The following CFAP299 variants were observed in gnomAD, a reference collection of about 807,000 sequenced individuals.
CFAP299 encodes the protein cilia and flagella associated protein 299, also known as cilia- and flagella-associated protein 299.
CFAP299 carries 21 observed loss-of-function variants against 27.0 expected under a neutral mutation model. The observed-to-expected ratio is 0.78, with a 90% confidence interval of 0.55 to 1.12. The LOEUF is 1.12. Among genes scored for constraint, CFAP299 ranks in the 50% most tolerant of loss-of-function variants. The probability of loss-of-function intolerance (pLI) is 0.00; values close to 1 mark genes in which losing one functional copy is unlikely to be tolerated. For synonymous variants in CFAP299, 104 were observed against 98.1 expected, an observed-to-expected ratio of 1.06 and a Z score of -0.36; for missense variants, 310 against 276.6, an observed-to-expected ratio of 1.12 and a Z score of -0.86.
At chr4:80,322,176 T>C in the CFAP299 span, among the ~76,000 whole-genome samples, 6 of 152,216 alleles carry the variant, frequency 3.9e-5, no homozygotes, top group African/African-American at 1.4e-4. Context: ...GGAAATCCTT[T>C]TGCAATAAAA....
intron 3 of CFAP299, among the ~76,000 whole-genome samples, chr4:80,730,795 C>A (rs192966410): frequency 6.6e-6 from 1 of 152,310 alleles, no homozygotes; most frequent in African/African-American, 2.4e-5. Context: ...TTGTTCTCTA[C>A]AACCACTGTG....
chr4:80,827,271 C>A (rs1000851104), intron 3 of CFAP299, among the ~76,000 whole-genome samples: 1 of 151,724 alleles, frequency 6.6e-6, no homozygotes, highest in Non-Finnish European at 1.5e-5. Flanking sequence ...AAACTGTAGA[C>A]CACTATCCCT....
intron 2 of CFAP299, among the ~76,000 whole-genome samples, chr4:80,579,178 A>G (rs1483893606): frequency 6.6e-6 from 1 of 152,142 alleles, no homozygotes; most frequent in Non-Finnish European, 1.5e-5. Flanking sequence ...GTTTCTCCAT[A>G]ATAGTGGCCT....
At chr4:80,443,507 G>T (rs751344903) in intron 2 of CFAP299, among the ~76,000 whole-genome samples, 1 of 152,114 alleles carries the variant, frequency 6.6e-6, no homozygotes, top group African/African-American at 2.4e-5. Context: ...CACTCAATAA[G>T]CTAGGTGTTG....
At chr4:80,955,155 T>C (rs1450215196) in intron 5 of CFAP299, among the ~76,000 whole-genome samples, 3 of 151,956 alleles carry the variant, frequency 2.0e-5, no homozygotes, top group African/African-American at 4.8e-5. Flanking sequence ...TCTAAAATAC[T>C]TTGGAGCAGT....
intron 3 of CFAP299, among the ~76,000 whole-genome samples, chr4:80,679,002 G>A (rs1719653294): frequency 6.6e-6 from 1 of 151,968 alleles, no homozygotes; most frequent in South Asian, 2.1e-4. Flanking sequence ...GTAGATTTGT[G>A]TAGCCACCAC....
At position 80,589,821 on chromosome 4, in the gene CFAP299, A is replaced by C. The variant is rs138122712; in HGVS notation, c.333+6638A>C. Among the ~76,000 whole-genome samples the C allele has an allele frequency of 3.5e-3, 535 of 152,352 alleles. 7 individuals carry two copies. The highest frequency in any genetic ancestry group is 0.012 in the African/African-American group (498 of 41,588). ...TCAAATGCAAGTGAGATGTGAAGTA[A>C]GAAACCATGTTTGGTGATGGCAGTA... On this transcript the variant is annotated intron_variant, in intron 3 of 5. Coordinates refer to ENST00000358105, the MANE Select transcript of CFAP299 (RefSeq NM_152770.3).
intron 3 of CFAP299, among the ~76,000 whole-genome samples, chr4:80,662,901 G>A (rs1337026925): frequency 6.6e-6 from 1 of 151,938 alleles, no homozygotes; most frequent in Non-Finnish European, 1.5e-5. Flanking sequence ...AGTCCCAAGT[G>A]CTGCAAAAGC....
At chr4:80,750,724 A>G (rs1450102764) in intron 3 of CFAP299, among the ~76,000 whole-genome samples, 1 of 152,200 alleles carries the variant, frequency 6.6e-6, no homozygotes, top group East Asian at 1.9e-4. Context: ...ATATCAGATA[A>G]AAAATGTGCT....
chr4:80,337,667 GA>G (rs1440298278), intron 1 of CFAP299, among the ~76,000 whole-genome samples: 6 of 152,078 alleles, frequency 3.9e-5, no homozygotes, highest in Non-Finnish European at 8.8e-5. Context: ...CAAAGTGCTG[GA>G]ATTACAGGTG....
At chr4:80,444,205 G>A (rs1728503155) in intron 2 of CFAP299, among the ~76,000 whole-genome samples, 1 of 152,096 alleles carries the variant, frequency 6.6e-6, no homozygotes, top group Non-Finnish European at 1.5e-5. Flanking sequence ...AACCAAAAAA[G>A]AACCTGTATA....
At chr4:80,618,264 A>T (rs1411446918) in intron 3 of CFAP299, among the ~76,000 whole-genome samples, 1 of 152,136 alleles carries the variant, frequency 6.6e-6, no homozygotes, top group Non-Finnish European at 1.5e-5. Context: ...GAGGTAAGAG[A>T]TACAGTATAA....
At chr4:80,390,536 TGTATAC>T (rs1313017255) in intron 2 of CFAP299, among the ~76,000 whole-genome samples, 8 of 46,684 alleles carry the variant, frequency 1.7e-4, no homozygotes, top group Admixed American at 7.3e-4. Flanking sequence ...TATGTATATA[TGTATAC>T]ACACATATAT....
intron 3 of CFAP299, among the ~76,000 whole-genome samples, chr4:80,800,212 T>TA (rs1728352396): frequency 1.4e-5 from 1 of 73,472 alleles, no homozygotes; most frequent in African/African-American, 5.6e-5. Context: ...TAATATATAA[T>TA]ATATATTATA....
intron 2 of CFAP299, among the ~76,000 whole-genome samples, chr4:80,547,951 G>A (rs1470087517): frequency 2.0e-5 from 3 of 152,146 alleles, no homozygotes; most frequent in Non-Finnish European, 4.4e-5. Context: ...TTTAGCCACT[G>A]TGGAATACAA....
intron 2 of CFAP299, among the ~76,000 whole-genome samples, chr4:80,366,522 G>A (rs1204280409): frequency 1.3e-5 from 2 of 152,174 alleles, no homozygotes; most frequent in African/African-American, 2.4e-5. Flanking sequence ...TAGTGCATTA[G>A]GCTCTGTGCT....
In CFAP299 at chr4:80,397,657, C is replaced by G. The variant is rs148618069; in HGVS notation, c.242+34773C>G. Among the ~76,000 whole-genome samples the G allele has an allele frequency of 6.7e-3, 1,013 of 152,204 alleles. 8 individuals carry two copies. Among genetic ancestry groups the G allele is most frequent in the Non-Finnish European group, 7.7e-3 (521 of 68,004 alleles). ...AACAACGCTTCATGCTAGAAACTCT[C>G]AATAAATTAGGTATTGATGGGACAT... On this transcript the variant is annotated intron_variant, in intron 2 of 5. Coordinates refer to ENST00000358105, the MANE Select transcript of CFAP299 (RefSeq NM_152770.3).
intron 2 of CFAP299, among the ~76,000 whole-genome samples, chr4:80,374,611 T>C (rs1039046939): frequency 2.0e-5 from 3 of 152,196 alleles, no homozygotes; most frequent in Admixed American, 1.3e-4. Flanking sequence ...AGCTGCGATT[T>C]TCCTAATCAG....
At chr4:80,560,509 T>C (rs555101619) in intron 2 of CFAP299, among the ~76,000 whole-genome samples, 1 of 152,232 alleles carries the variant, frequency 6.6e-6, no homozygotes, top group African/African-American at 2.4e-5. Context: ...AAGTGGGCTT[T>C]TGGGGTCCCC....
Sources: allele counts gnomAD v4.1 joint callset (sites outside exome capture counted in the v4.1 genomes callset), GRCh38; gene constraint gnomAD v4.1.1; transcripts MANE v1.5; gene names NCBI Gene and HGNC (gene_info 2026-07-23, HGNC 2026-07-21).